The following PTHLH variants were observed in gnomAD, a reference collection of about 807,000 sequenced individuals.
PTHLH encodes parathyroid hormone-related protein.
PTHLH carries 5 observed loss-of-function variants against 18.6 expected under a neutral mutation model. The observed-to-expected ratio is 0.27, with a 90% CI of 0.14 to 0.56. PTHLH has a LOEUF of 0.56. PTHLH is among the 20% of genes least tolerant of loss of function. The pLI is 0.92. For missense variants in PTHLH, 207 were observed against 223.9 expected, an observed-to-expected ratio of 0.92 and a Z score of 0.48; for synonymous variants, 90 against 94.0, an observed-to-expected ratio of 0.96 and a Z score of 0.25.
chr12:27,959,857 C>G (rs2062739441), intron 5 of PTHLH, among the ~76,000 whole-genome samples: 2 of 152,026 alleles, frequency 1.3e-5, no homozygotes, highest in Admixed American at 1.3e-4. Context: ...ATGAATAAAG[C>G]CAAAAAGATG....
At chr12:27,965,775 A>G (rs1015786802) in intron 4 of PTHLH, among the ~76,000 whole-genome samples, 1 of 152,244 alleles carries the variant, frequency 6.6e-6, no homozygotes, top group African/African-American at 2.4e-5. Flanking sequence ...ACTTTTAAGA[A>G]TCTACAAGTT....
intron 4 of PTHLH, 95 bp downstream of exon 4, chr12:27,969,299 C>G: frequency 8.0e-7 from 1 of 1,245,944 alleles, no homozygotes; most frequent in South Asian, 1.3e-5. Context: ...CAAGGAGCAT[C>G]GGTGACCGCT....
chr12:27,968,571 A>G (rs1264500991), intron 4 of PTHLH, among the ~76,000 whole-genome samples: 1 of 152,216 alleles, frequency 6.6e-6, no homozygotes, highest in Non-Finnish European at 1.5e-5. Context: ...ATGTTACTCT[A>G]TCACTCTTCC....
At chr12:27,970,623 G>C (rs1469203092) in intron 2 of PTHLH, among the ~76,000 whole-genome samples, 1 of 151,976 alleles carries the variant, frequency 6.6e-6, no homozygotes, top group Admixed American at 6.6e-5. Context: ...TCCGGGAGCC[G>C]AGATCCCCGA....
At chr12:27,961,165 G>A (rs181731783) in intron 5 of PTHLH, among the ~76,000 whole-genome samples, 19 of 151,248 alleles carry the variant, frequency 1.3e-4, no homozygotes, top group Admixed American at 9.3e-4. Flanking sequence ...AGTTCCAGGC[G>A]TAAGAATTGA....
In PTHLH at chr12:27,958,545, C is replaced by T; in HGVS notation, c.*14G>A. ...ATCCTGCAATATGTCCTTGGAAGGT[C>T]TCTGCTGAAAATTTCAATGCCTCCT... On this transcript the variant is annotated 3_prime_UTR_variant, in exon 6 of 6. Coordinates refer to ENST00000545234, the MANE Select transcript of PTHLH (RefSeq NM_198965.2). 1 of 1,573,258 alleles carries T rather than the reference C, an allele frequency of 6.4e-7. No homozygotes were observed. The highest frequency in any genetic ancestry group is 2.3e-5 in the East Asian group (1 of 43,530).
intron 3 of PTHLH, 149 bp from the exon 4 acceptor site, chr12:27,969,665 G>A (rs547945609): frequency 5.0e-6 from 4 of 794,918 alleles, no homozygotes; most frequent in African/African-American, 3.4e-5. Flanking sequence ...TTTCTCTGGA[G>A]CCTCTCAGCA....
intron 5 of PTHLH, among the ~76,000 whole-genome samples, chr12:27,959,250 A>C (rs1591844982): frequency 6.6e-6 from 1 of 152,324 alleles, no homozygotes; most frequent in East Asian, 1.9e-4. Context: ...ACTAAAACAG[A>C]ATCATTTGTC....
intron 3 of PTHLH, 109 bp downstream of exon 3, chr12:27,969,916 A>G (rs1302478498): frequency 1.2e-5 from 6 of 520,162 alleles, no homozygotes; most frequent in Non-Finnish European, 2.3e-5. Flanking sequence ...CCGCCTCCTA[A>G]AAGAAGAAAG....
intron 2 of PTHLH, 93 bp from the exon 3 acceptor site, chr12:27,970,360 C>T (rs2062858816): frequency 6.8e-6 from 1 of 146,260 alleles, no homozygotes; most frequent in Non-Finnish European, 1.5e-5. Flanking sequence ...GGCGGGCGCG[C>T]GGGGGGCGGG....
In PTHLH at chr12:27,971,957, A is replaced by G. The variant is rs1432131440; in HGVS notation, c.-296T>C. The G allele has an allele frequency of 6.6e-6, 1 of 151,434 alleles. No individual in the cohort carries two copies. The highest frequency in any genetic ancestry group is 6.6e-5 in the Admixed American group (1 of 15,192). The allele number at this position is 151,434 out of a possible 1,614,324, so 9.4% of individuals were successfully genotyped here. On this transcript the variant is annotated 5_prime_UTR_variant, in exon 2 of 6. Coordinates refer to ENST00000545234, the MANE Select transcript of PTHLH (RefSeq NM_198965.2). ...AACCTCGAACACTTTCTGATTTATA[A>G]AAAGAATCCTTCCAAAAAGATGCAG... is the stretch of plus-strand genomic sequence containing the variant.
chr12:27,971,380 G>A (rs1017058914), intron 2 of PTHLH, among the ~76,000 whole-genome samples: 1 of 152,160 alleles, frequency 6.6e-6, no homozygotes. Context: ...CCTCCCCAGG[G>A]CTCCTCTAAC....
At chr12:27,964,349 C>T (rs564504604) in intron 4 of PTHLH, among the ~76,000 whole-genome samples, 1 of 151,162 alleles carries the variant, frequency 6.6e-6, no homozygotes, top group Non-Finnish European at 1.5e-5. Flanking sequence ...AGAGTAAAAA[C>T]AAACAAAGGC....
At position 27,963,501 on chromosome 12, in the gene PTHLH, T is replaced by C; in HGVS notation, c.371A>G (p.Lys124Arg). The part of the protein sequence containing the change: ...YKEQPLKTPG[K>R]KKKGKPGKRK... ...TTTCCCGGGCTTGCCTTTCTTTTTC[T>C]TCCCAGGTGTCTTGAGCGGCTGCTC... is the stretch of plus-strand genomic sequence containing the variant. The change falls in exon 5 of 6, where the codon AAG (lysine) becomes AGG (arginine). Residue 124 changes from lysine (K) to arginine (R), a missense_variant. Physicochemically the swap from Lys to Arg is conservative, Grantham distance 26. Transcript: ENST00000545234. 1 of 1,614,230 alleles carries C rather than the reference T, an allele frequency of 6.2e-7. No homozygotes were observed. Among genetic ancestry groups the C allele is most frequent in the Non-Finnish European group, 8.5e-7 (1 of 1,180,034 alleles).
At chr12:27,958,774 A>G (rs2062731632) in intron 5 of PTHLH, among the ~76,000 whole-genome samples, 1 of 152,220 alleles carries the variant, frequency 6.6e-6, no homozygotes, top group Non-Finnish European at 1.5e-5. Context: ...AGGGTCTTCA[A>G]CCTGACTTAG....
At position 27,962,248 on chromosome 12, in the gene PTHLH, A is replaced by ATAGATAGG. The variant is rs2062768673; in HGVS notation, c.524+1099_524+1100insCCTATCTA. The stretch of plus-strand genomic sequence containing the variant: ...CATACCCCCCTAGATAGATAGATAG[A>ATAGATAGG]TAGATAGATAGATAGAAATAGATTA... On this transcript the variant is annotated intron_variant, in intron 5 of 5. Coordinates refer to ENST00000545234, the MANE Select transcript of PTHLH (RefSeq NM_198965.2). The ATAGATAGG allele has an allele frequency of 4.3e-5, 13 of 301,776 alleles. No individual in the cohort carries two copies. In the East Asian group the frequency reaches 7.2e-4, roughly 17 times the overall value. The allele number at this position is 301,776 out of a possible 1,614,324, so 18.7% of individuals were successfully genotyped here. A position where few individuals can be genotyped will look rare whatever the true frequency, so the allele number is the denominator to read the frequency against.
rs539157235 is a variant in PTHLH at position 27,968,114 on chromosome 12, A to G, written c.101+1280T>C. 5.3e-5 allele frequency among the ~76,000 whole-genome samples: 8 copies of G among 152,374 alleles called. No homozygotes were observed. In the South Asian group the frequency reaches 1.4e-3, roughly 28 times the overall value. On this transcript the variant is annotated intron_variant, in intron 4 of 5. Coordinates refer to ENST00000545234, the MANE Select transcript of PTHLH (RefSeq NM_198965.2). The stretch of plus-strand genomic sequence containing the variant: ...AAAATGAGCAAAAAGTCTGAAGACA[A>G]TTTTCAGAAACACATCGGTAAAATG...
chr12:27,966,593 G>A (rs1347384172), intron 4 of PTHLH, among the ~76,000 whole-genome samples: 1 of 152,102 alleles, frequency 6.6e-6, no homozygotes, highest in Non-Finnish European at 1.5e-5. Flanking sequence ...CTCAATAATA[G>A]TCTTTTACTC....
intron 4 of PTHLH, chr12:27,969,047 G>C (rs894724285): frequency 9.8e-6 from 3 of 306,852 alleles, no homozygotes; most frequent in Non-Finnish European, 1.9e-5. Flanking sequence ...CTTCCTCCGA[G>C]TTTCAGAAGC....
Sources: allele counts gnomAD v4.1 joint callset (sites outside exome capture counted in the v4.1 genomes callset), GRCh38; gene constraint gnomAD v4.1.1; transcripts MANE v1.5; gene names NCBI Gene and HGNC (gene_info 2026-07-23, HGNC 2026-07-21).